MRTFA: variants seen among roughly 807,000 people sequenced by gnomAD.
MRTFA encodes myocardin related transcription factor A.
Under a neutral mutation model 83.5 loss-of-function variants are expected in MRTFA, and 20 were observed. The ratio of observed to expected loss-of-function variants is 0.24; its 90% CI spans 0.17 to 0.35. The LOEUF (loss-of-function observed/expected upper bound fraction) is 0.35. Among genes scored for constraint, MRTFA ranks in the 10% least tolerant of loss-of-function variants. The pLI, the probability that MRTFA is intolerant of heterozygous loss-of-function variation, is 1.00. For synonymous variants in MRTFA, 659 were observed against 541.2 expected, an observed-to-expected ratio of 1.22 and a Z score of -3.02; for missense variants, 1,200 against 1,224.7, an observed-to-expected ratio of 0.98 and a Z score of 0.30.
intron 3 of MRTFA, among the ~76,000 whole-genome samples, chr22:40,475,001 A>C (rs1229645841): frequency 6.6e-6 from 1 of 151,778 alleles, no homozygotes; most frequent in South Asian, 2.1e-4. Flanking sequence ...ACCACGCCTG[A>C]CTAATTTTTG....
intron 3 of MRTFA, among the ~76,000 whole-genome samples, chr22:40,550,016 TC>T (rs1244439473): frequency 7.0e-6 from 1 of 143,278 alleles, no homozygotes; most frequent in Non-Finnish European, 1.5e-5. Context: ...ATCACTGCAC[TC>T]CAGCCTGGGC....
At chr22:40,539,130 G>T (rs2055243487) in intron 3 of MRTFA, among the ~76,000 whole-genome samples, 1 of 148,666 alleles carries the variant, frequency 6.7e-6, no homozygotes, top group Non-Finnish European at 1.5e-5. Flanking sequence ...AAGTAGCTGG[G>T]ATTACAGTCG....
intron 2 of MRTFA, among the ~76,000 whole-genome samples, chr22:40,567,663 G>C (rs188807519): frequency 5.1e-4 from 78 of 152,158 alleles, no homozygotes; most frequent in African/African-American, 1.7e-3. Flanking sequence ...TAATAATTCT[G>C]TTCAGGTATG....
In MRTFA at chr22:40,602,834, G is replaced by A. The variant is rs1358015078; in HGVS notation, c.-83-8099C>T. ...TGCACTCCAGCCTGGGTGACAGAGC[G>A]AGACTCCATCTCAAAAAACAATAGT... On this transcript the variant is annotated intron_variant, in intron 1 of 14. Transcript: ENST00000355630. Among the ~76,000 whole-genome samples the A allele has an allele frequency of 2.0e-5, 3 of 152,050 alleles. No individual in the cohort carries two copies. The East Asian group carries it at 5.8e-4, about 29-fold the overall frequency.
At chr22:40,615,937 G>A (rs566694653) in intron 1 of MRTFA, among the ~76,000 whole-genome samples, 3 of 152,118 alleles carry the variant, frequency 2.0e-5, no homozygotes, top group Admixed American at 6.6e-5. Context: ...TGCCCGCCTC[G>A]GCCTCCCAAA....
At chr22:40,583,950 T>C (rs1359052688) in intron 2 of MRTFA, among the ~76,000 whole-genome samples, 2 of 152,220 alleles carry the variant, frequency 1.3e-5, no homozygotes, top group Non-Finnish European at 2.9e-5. Context: ...CCAGTTTTCA[T>C]CCCCATGTGG....
chr22:40,553,626 C>G (rs2055476450), intron 2 of MRTFA, among the ~76,000 whole-genome samples: 1 of 152,150 alleles, frequency 6.6e-6, no homozygotes, highest in Admixed American at 6.5e-5. Flanking sequence ...ATGGCAACAC[C>G]TGGATGTCCA....
intron 2 of MRTFA, among the ~76,000 whole-genome samples, chr22:40,584,542 G>C (rs2055998118): frequency 6.6e-6 from 1 of 152,102 alleles, no homozygotes; most frequent in Admixed American, 6.5e-5. Context: ...TTTGAGACCA[G>C]CTTGACCAAC....
intron 1 of MRTFA, among the ~76,000 whole-genome samples, chr22:40,612,625 T>C (rs1039821717): frequency 3.3e-5 from 5 of 152,078 alleles, no homozygotes; most frequent in African/African-American, 1.2e-4. Context: ...TATACTCTCA[T>C]AAATCATCAA....
At chr22:40,614,553 T>C (rs940849013) in intron 1 of MRTFA, among the ~76,000 whole-genome samples, 2 of 152,212 alleles carry the variant, frequency 1.3e-5, no homozygotes, top group African/African-American at 4.8e-5. Flanking sequence ...AATGGCGCGA[T>C]CTCGGCTCAC....
In MRTFA at chr22:40,420,413, C is replaced by T. The variant is rs140708564; in HGVS notation, c.1345G>A (p.Asp449Asn). ...TTCCAGTGGCCATGTACCTTCATGT[C>T]GTCCAGGTTGGCCGGCAGGGCTCCC... The change falls in exon 11 of 15, where the codon GAC becomes AAC. Residue 449 changes from aspartate (D) to asparagine (N), a missense_variant. Around this residue, in one of 2 missense-constraint regions of MRTFA, gnomAD observed 1,107 missense variants for 1,041.8 expected, o/e 1.06. Transcript: ENST00000355630. The T allele has an allele frequency of 1.6e-5, 26 of 1,613,136 alleles. No individual in the cohort carries two copies. The highest frequency in any genetic ancestry group is 1.2e-4 in the African/African-American group (9 of 75,068).
chr22:40,494,679 T>TA (rs35391015), intron 3 of MRTFA, among the ~76,000 whole-genome samples: 18,480 of 136,844 alleles, frequency 0.14, 1,298 homozygotes, highest in East Asian at 0.25. Flanking sequence ...AGACTCTGTC[T>TA]AAAAAAAAAA....
chr22:40,519,701 G>A, intron 3 of MRTFA: 1 of 983,774 alleles, frequency 1.0e-6, no homozygotes, highest in Non-Finnish European at 1.3e-6. Context: ...ACCCACTCAT[G>A]GGTTCTGAAA....
At chr22:40,582,892 G>C (rs186266698) in intron 2 of MRTFA, among the ~76,000 whole-genome samples, 41 of 152,282 alleles carry the variant, frequency 2.7e-4, no homozygotes, top group African/African-American at 9.6e-4. Flanking sequence ...ATGAAAAAAA[G>C]GCTGATGGCA....
chr22:40,429,998 G>A (rs1456434514), intron 6 of MRTFA, among the ~76,000 whole-genome samples: 1 of 152,118 alleles, frequency 6.6e-6, no homozygotes, highest in Non-Finnish European at 1.5e-5. Context: ...ACCAGGCAGA[G>A]GCAAACCCAG....
At chr22:40,611,719 T>G (rs1039718503) in intron 1 of MRTFA, among the ~76,000 whole-genome samples, 1 of 152,204 alleles carries the variant, frequency 6.6e-6, no homozygotes, top group East Asian at 1.9e-4. Context: ...AAGTTCTGTT[T>G]GAAGAAAAAC....
chr22:40,467,649 A>G (rs1388313873), intron 3 of MRTFA, among the ~76,000 whole-genome samples: 2 of 152,180 alleles, frequency 1.3e-5, no homozygotes, highest in Non-Finnish European at 2.9e-5. Flanking sequence ...CTCACCGAGA[A>G]ATATCTGAAA....
chr22:40,500,599 A>C (rs956514152), intron 3 of MRTFA, among the ~76,000 whole-genome samples: 4 of 151,680 alleles, frequency 2.6e-5, no homozygotes, highest in African/African-American at 9.7e-5. Flanking sequence ...GTGACTCTTA[A>C]CGAGCATGCT....
chr22:40,598,715 A>G (rs913521505), intron 1 of MRTFA, among the ~76,000 whole-genome samples: 9 of 152,114 alleles, frequency 5.9e-5, no homozygotes, highest in African/African-American at 2.2e-4. Context: ...ATTAGAGGCC[A>G]GGTACAGTGG....
Sources: gnomAD v4.1 joint callset for allele counts (sites outside exome capture counted in the v4.1 genomes callset) on GRCh38, gnomAD v4.1.1 for gene constraint, gnomAD v4.1.1 regional missense constraint, MANE v1.5 for transcripts, NCBI Gene and HGNC (gene_info 2026-07-23, HGNC 2026-07-21) for gene names.